TRIM23: variants seen among roughly 807,000 people sequenced by gnomAD.
The protein encoded by TRIM23 is tripartite motif containing 23.
A neutral mutation model predicts 71.0 loss-of-function variants in TRIM23; 27 were observed. That is an observed-to-expected ratio of 0.38 (90% CI 0.28 to 0.52). The LOEUF is 0.52. Among genes scored for constraint, TRIM23 ranks in the 20% least tolerant of loss-of-function variants. The pLI is 0.84. For synonymous variants in TRIM23, 234 were observed against 238.0 expected, an observed-to-expected ratio of 0.98 and a Z score of 0.16; for missense variants, 482 against 692.3, an observed-to-expected ratio of 0.70 and a Z score of 3.41.
intron 7 of TRIM23, 143 bp from the exon 8 acceptor site, chr5:65,597,323 C>G (rs1172970684): frequency 1.1e-6 from 1 of 952,152 alleles, no homozygotes; most frequent in Admixed American, 2.8e-5. Context: ...AGTCTGATCT[C>G]AAGAAGATGA....
At chr5:65,622,876 A>C (rs1479717550) in intron 1 of TRIM23, among the ~76,000 whole-genome samples, 1 of 152,234 alleles carries the variant, frequency 6.6e-6, no homozygotes, top group Non-Finnish European at 1.5e-5. Context: ...TAGATACTGC[A>C]ATGATACCCA....
intron 4 of TRIM23, among the ~76,000 whole-genome samples, chr5:65,611,352 A>C (rs1421813546): frequency 6.6e-6 from 1 of 152,220 alleles, no homozygotes; most frequent in East Asian, 1.9e-4. Context: ...ATGCAAGCAA[A>C]CAGAATGTTT....
intron 1 of TRIM23, among the ~76,000 whole-genome samples, chr5:65,620,238 T>C (rs913043847): frequency 4.6e-5 from 7 of 152,306 alleles, no homozygotes; most frequent in Non-Finnish European, 1.0e-4. Context: ...TATTGAGCAA[T>C]ACAGCTTCTA....
At chr5:65,600,942 TA>T (rs2150626392) in intron 7 of TRIM23, among the ~76,000 whole-genome samples, 1 of 152,276 alleles carries the variant, frequency 6.6e-6, no homozygotes, top group Non-Finnish European at 1.5e-5. Context: ...ACAAATAAGG[TA>T]TCATTTCAAA....
chr5:65,590,977 G>GA lies in TRIM23; in HGVS notation c.*791dup, dbSNP rs1754005363. 1.0e-6 allele frequency: 1 copy of GA among 984,810 alleles called. No homozygotes were observed. The highest frequency in any genetic ancestry group is 6.2e-5 in the Admixed American group (1 of 16,246). 61.0% of individuals were successfully genotyped at this position (984,810 alleles called of 1,614,324 possible). On this transcript the variant is annotated 3_prime_UTR_variant, in exon 11 of 11. Transcript: ENST00000231524. ...AAAGAAATATTACTTTAAATTTGTT[G>GA]AAAAATAGAAGGACCAATTTAGAGC... is the stretch of plus-strand genomic sequence containing the variant.
At chr5:65,613,590 G>T in intron 3 of TRIM23, 1 of 575,582 alleles carries the variant, frequency 1.7e-6, no homozygotes, top group Non-Finnish European at 2.3e-6. Context: ...ATATTTACTA[G>T]ACATCTACCT....
At position 65,591,227 on chromosome 5, in the gene TRIM23, T is replaced by C. The variant is rs1302796080; in HGVS notation, c.*542A>G. ...ATAGTTCTTAGCATTAAAGGTGTTC[T>C]GTTAACTCTGAACATAAACATAAAG... On this transcript the variant is annotated 3_prime_UTR_variant, in exon 11 of 11. Coordinates refer to ENST00000231524, the MANE Select transcript of TRIM23 (RefSeq NM_001656.4). 15 of 1,246,624 alleles carry C rather than the reference T, an allele frequency of 1.2e-5. No homozygotes were observed. The East Asian group carries it at 6.4e-4, about 53-fold the overall frequency. The allele number at this position is 1,246,624 out of a possible 1,614,324, so 77.2% of individuals were successfully genotyped here. A position where few individuals can be genotyped will look rare whatever the true frequency, so the allele number is the denominator to read the frequency against.
chr5:65,622,895 A>T (rs2150646548), intron 1 of TRIM23, among the ~76,000 whole-genome samples: 1 of 152,354 alleles, frequency 6.6e-6, no homozygotes, highest in Non-Finnish European at 1.5e-5. Context: ...CATTCCAATT[A>T]TGAAATAAAA....
chr5:65,621,124 G>A (rs760289253), intron 1 of TRIM23, among the ~76,000 whole-genome samples: 8 of 152,180 alleles, frequency 5.3e-5, no homozygotes, highest in Non-Finnish European at 8.8e-5. Context: ...AGGCCAAGGC[G>A]GGCAGATCAC....
intron 5 of TRIM23, 129 bp downstream of exon 5, chr5:65,610,732 C>G: frequency 1.4e-6 from 1 of 693,670 alleles, no homozygotes; most frequent in South Asian, 2.5e-5. Flanking sequence ...AAGACAGGGA[C>G]TTTTAAAAAA....
chr5:65,620,647 AT>A (rs11340263), intron 1 of TRIM23, among the ~76,000 whole-genome samples: 2,107 of 152,282 alleles, frequency 0.014, 53 homozygotes, highest in African/African-American at 0.048. Context: ...CACCAGTAAC[AT>A]TGGAACACTG....
At chr5:65,601,610 G>A (rs920050361) in intron 7 of TRIM23, among the ~76,000 whole-genome samples, 1 of 152,122 alleles carries the variant, frequency 6.6e-6, no homozygotes, top group African/African-American at 2.4e-5. Flanking sequence ...AATTCAAGTT[G>A]AGATTTGGGT....
intron 7 of TRIM23, among the ~76,000 whole-genome samples, chr5:65,603,521 A>T (rs893576652): frequency 4.6e-5 from 7 of 152,238 alleles, no homozygotes; most frequent in African/African-American, 7.2e-5. Flanking sequence ...TATACTTTTT[A>T]AAATGATGAC....
intron 6 of TRIM23, chr5:65,607,147 C>T (rs970127582): frequency 6.6e-6 from 1 of 152,120 alleles, no homozygotes; most frequent in Non-Finnish European, 1.5e-5. Context: ...TTCCTCTGTT[C>T]AATTTTCTCT....
chr5:65,592,751 T>C (rs566296683), intron 10 of TRIM23, among the ~76,000 whole-genome samples: 4 of 152,308 alleles, frequency 2.6e-5, no homozygotes, highest in Middle Eastern at 3.4e-3. Context: ...GTTTAGACTT[T>C]CTATAACTTG....
chr5:65,594,996 C>G (rs1754160117), intron 9 of TRIM23, among the ~76,000 whole-genome samples: 1 of 152,166 alleles, frequency 6.6e-6, no homozygotes, highest in South Asian at 2.1e-4. Context: ...TCGAATACTA[C>G]TTTTCTAATA....
At chr5:65,614,074 T>G (rs1754719790) in intron 3 of TRIM23, 24 bp downstream of exon 3, 1 of 1,602,866 alleles carries the variant, frequency 6.2e-7, no homozygotes, top group African/African-American at 1.3e-5. Flanking sequence ...TCGTAACAAA[T>G]ATTTCACCAA....
In TRIM23 at chr5:65,591,645, T is replaced by TTA. The variant is rs10644434; in HGVS notation, c.*122_*123dup. On this transcript the variant is annotated 3_prime_UTR_variant, in exon 11 of 11. Transcript: ENST00000231524. The stretch of plus-strand genomic sequence containing the variant: ...ACTGAATTCCCAATCCAAGATTCCT[T>TTA]TATATATATATATATATATATGCAT... 34,875 of 692,506 alleles carry TTA rather than the reference T, an allele frequency of 0.05. 163 individuals carry two copies. Among genetic ancestry groups the TTA allele is most frequent in the African/African-American group, 0.084 (3,807 of 45,496 alleles). The allele number at this position is 692,506 out of a possible 1,614,324, so 42.9% of individuals were successfully genotyped here.
At position 65,597,037 on chromosome 5, in the gene TRIM23, A is replaced by G; in HGVS notation, c.1309+14T>C. 6.2e-7 allele frequency: 1 copy of G among 1,613,700 alleles called. No homozygotes were observed. Among genetic ancestry groups the G allele is most frequent in the Non-Finnish European group, 8.5e-7 (1 of 1,179,790 alleles). Reference sequence around the variant, plus strand: ...GGTTTGTCTATTAAGGTAAAAACCAATATTCATACTTACCAATTGTTGGAA... The same window carrying G: ...GGTTTGTCTATTAAGGTAAAAACCAGTATTCATACTTACCAATTGTTGGAA... On this transcript the variant is annotated intron_variant, in intron 8 of 10. Coordinates refer to ENST00000231524, the MANE Select transcript of TRIM23 (RefSeq NM_001656.4).
Sources: gnomAD v4.1 joint callset for allele counts (sites outside exome capture counted in the v4.1 genomes callset) on GRCh38, gnomAD v4.1.1 for gene constraint, MANE v1.5 for transcripts, NCBI Gene and HGNC (gene_info 2026-07-23, HGNC 2026-07-21) for gene names.